AFTPH: variants seen among roughly 807,000 people sequenced by gnomAD.
AFTPH encodes the protein aftiphilin.
AFTPH carries 7 observed loss-of-function variants against 72.5 expected under a neutral mutation model. That is an observed-to-expected ratio of 0.10 (90% CI 0.05 to 0.18). The LOEUF (loss-of-function observed/expected upper bound fraction) is 0.18, where lower values mean the gene tolerates loss of function less well. Ranked by LOEUF, AFTPH falls within the 10% of genes least tolerant of loss-of-function variation. AFTPH has a pLI of 1.00. For synonymous variants in AFTPH, 337 were observed against 370.1 expected, an observed-to-expected ratio of 0.91 and a Z score of 1.03; for missense variants, 979 against 1,060.5, an observed-to-expected ratio of 0.92 and a Z score of 1.07.
In AFTPH at chr2:64,552,374, AG is replaced by A; in HGVS notation, c.901del (p.Glu301LysfsTer2). 6.2e-7 allele frequency: 1 copy of A among 1,614,090 alleles called. No homozygotes were observed. The highest frequency in any genetic ancestry group is 1.6e-4 in the Middle Eastern group (1 of 6,062). ...ATGGAGAGGATCAGGTTTGTGTTTC[AG>A]AAATAAGCATAGTGACTAACAGAGG... On this transcript the variant is annotated frameshift_variant, in exon 2 of 9. Transcript: ENST00000238856. LOFTEE classifies it high-confidence loss of function.
At chr2:64,545,614 A>G (rs935388079) in intron 1 of AFTPH, among the ~76,000 whole-genome samples, 1 of 112,262 alleles carries the variant, frequency 8.9e-6, no homozygotes, top group Non-Finnish European at 1.7e-5. Context: ...AAAAAAAAAG[A>G]CCTGACCTAT....
chr2:64,576,263 A>G (rs988838031), intron 6 of AFTPH, among the ~76,000 whole-genome samples: 44 of 151,510 alleles, frequency 2.9e-4, no homozygotes, highest in African/African-American at 1.0e-3. Flanking sequence ...ACATCTTCCT[A>G]CGCCCCTAGC....
intron 6 of AFTPH, among the ~76,000 whole-genome samples, chr2:64,575,442 G>A (rs1305069946): frequency 5.3e-5 from 8 of 151,882 alleles, no homozygotes; most frequent in Admixed American, 5.2e-4. Context: ...CCTAACCAAC[G>A]TGGCAAAACC....
Position 64,579,553 on chromosome 2 carries a change from C to T in AFTPH, c.2455+7C>T, listed in dbSNP as rs766641156. 6.2e-7 allele frequency: 1 copy of T among 1,612,582 alleles called. No homozygotes were observed. ...CTTACTAACCCTTTAGATGGTACGT[C>T]TCTCCGTAGAGCCTCTAGCACCAGA... is the stretch of plus-strand genomic sequence containing the variant. On this transcript the variant is annotated splice_region_variant and intron_variant, in intron 7 of 8. Transcript: ENST00000238856.
At chr2:64,574,979 A>G (rs1362352684) in intron 6 of AFTPH, among the ~76,000 whole-genome samples, 1 of 152,184 alleles carries the variant, frequency 6.6e-6, no homozygotes, top group Admixed American at 6.5e-5. Context: ...TGGTACATTC[A>G]TACTTGGTAC....
chr2:64,569,546 A>C (rs1433462195), intron 4 of AFTPH, 77 bp from the exon 5 acceptor site: 2 of 1,493,618 alleles, frequency 1.3e-6, no homozygotes, highest in Non-Finnish European at 1.9e-6. Flanking sequence ...ACACATCTCA[A>C]GCATATTTGG....
chr2:64,524,682 C>CA (rs935933290), intron 1 of AFTPH, 70 bp downstream of exon 1: 3 of 392,920 alleles, frequency 7.6e-6, no homozygotes, highest in African/African-American at 6.2e-5. Flanking sequence ...CCCGGCCCAG[C>CA]AGCCAGACCC....
chr2:64,563,711 C>A (rs1323676279), intron 2 of AFTPH, among the ~76,000 whole-genome samples: 1 of 152,204 alleles, frequency 6.6e-6, no homozygotes, highest in Non-Finnish European at 1.5e-5. Context: ...TCAAGTGATT[C>A]TCTTTGCCTG....
intron 6 of AFTPH, 92 bp downstream of exon 6, chr2:64,573,160 T>C: frequency 1.0e-6 from 1 of 959,884 alleles, no homozygotes; most frequent in Non-Finnish European, 1.5e-6. Context: ...TATGACTGTT[T>C]TAAAAATATT....
At chr2:64,583,323 A>C (rs1673320613) in intron 7 of AFTPH, among the ~76,000 whole-genome samples, 1 of 151,640 alleles carries the variant, frequency 6.6e-6, no homozygotes, top group Non-Finnish European at 1.5e-5. Context: ...TGTTAAAAAA[A>C]AAAAAAAGAC....
intron 1 of AFTPH, among the ~76,000 whole-genome samples, chr2:64,528,426 TCA>T (rs1371828881): frequency 2.0e-5 from 3 of 152,234 alleles, no homozygotes; most frequent in African/African-American, 4.8e-5. Context: ...ATGTATGTAC[TCA>T]CACATTTGTG....
At chr2:64,584,011 T>C (rs1461375718) in intron 7 of AFTPH, among the ~76,000 whole-genome samples, 1 of 152,128 alleles carries the variant, frequency 6.6e-6, no homozygotes, top group African/African-American at 2.4e-5. Context: ...GTTATTTATA[T>C]ATAACTTGAT....
chr2:64,559,020 G>A (rs146214260), intron 2 of AFTPH, among the ~76,000 whole-genome samples: 2 of 152,272 alleles, frequency 1.3e-5, no homozygotes, highest in Non-Finnish European at 1.5e-5. Context: ...CACAGGTAGT[G>A]GCTGCAGCCA....
intron 8 of AFTPH, among the ~76,000 whole-genome samples, chr2:64,586,685 C>T (rs904978323): frequency 6.6e-6 from 1 of 152,212 alleles, no homozygotes; most frequent in Non-Finnish European, 1.5e-5. Context: ...CCAGTTCTCT[C>T]CATTGTTCTC....
At chr2:64,587,779 T>G (rs536367454) in intron 8 of AFTPH, among the ~76,000 whole-genome samples, 2 of 152,348 alleles carry the variant, frequency 1.3e-5, no homozygotes, top group African/African-American at 4.8e-5. Context: ...TTGAGTTTTT[T>G]AAAGAAGTGC....
intron 6 of AFTPH, among the ~76,000 whole-genome samples, chr2:64,576,887 T>C (rs1361684204): frequency 6.7e-6 from 1 of 149,780 alleles, no homozygotes; most frequent in Non-Finnish European, 1.5e-5. Context: ...GCCTCCTGAG[T>C]AGCTGGGATT....
rs138803898 is a variant in AFTPH, at chr2:64,590,915, G to T, written c.2580-970G>T. On this transcript the variant is annotated intron_variant, in intron 8 of 8. Coordinates refer to ENST00000238856, the Ensembl canonical transcript of AFTPH. ...GGAAAAAGGAAACATTTAGGTCAAAGAAATACCTTGTGTCACATCTAAGAA... is the reference window on the plus strand; with the variant it reads ...GGAAAAAGGAAACATTTAGGTCAAATAAATACCTTGTGTCACATCTAAGAA... Among the ~76,000 whole-genome samples the T allele has an allele frequency of 6.8e-3, 1,042 of 152,314 alleles. 5 individuals are homozygous for T. Among genetic ancestry groups the T allele is most frequent in the Non-Finnish European group, 1.0e-2 (678 of 68,008 alleles).
chr2:64,543,109 G>A (rs1670357745), intron 1 of AFTPH, among the ~76,000 whole-genome samples: 1 of 152,194 alleles, frequency 6.6e-6, no homozygotes, highest in Admixed American at 6.5e-5. Context: ...ATGTATAGTG[G>A]TATTTTATTG....
At chr2:64,591,352 C>A (rs886759833) in intron 8 of AFTPH, among the ~76,000 whole-genome samples, 1 of 152,244 alleles carries the variant, frequency 6.6e-6, no homozygotes, top group African/African-American at 2.4e-5. Context: ...TGTATCCCAA[C>A]AGGCTGAGAC....
Sources: allele counts gnomAD v4.1 joint callset (sites outside exome capture counted in the v4.1 genomes callset), GRCh38; gene constraint gnomAD v4.1.1; transcripts MANE v1.5; gene names NCBI Gene and HGNC (gene_info 2026-07-23, HGNC 2026-07-21).